The following SHQ1 variants were observed in gnomAD, a reference collection of about 807,000 sequenced individuals.
SHQ1 encodes the protein protein SHQ1 homolog.
SHQ1 carries 49 observed loss-of-function variants against 53.8 expected under a neutral mutation model. The ratio of observed to expected loss-of-function variants is 0.91; its 90% CI spans 0.72 to 1.16. SHQ1 has a LOEUF of 1.16. Among genes scored for constraint, SHQ1 ranks in the 50% most tolerant of loss-of-function variants. The pLI is 0.00. For missense variants in SHQ1, 738 were observed against 683.1 expected, an observed-to-expected ratio of 1.08 and a Z score of -0.90; for synonymous variants, 243 against 251.0, an observed-to-expected ratio of 0.97 and a Z score of 0.30.
chr3:72,748,329 C>CAAAAAAAAAAAAAAAA (rs572927520), downstream of SHQ1, among the ~76,000 whole-genome samples: 9 of 58,790 alleles, frequency 1.5e-4, no homozygotes, highest in African/African-American at 2.7e-4. Context: ...ATGAGGCATG[C>CAAAAAAAAAAAAAAAA]AAAAAAAAAA....
chr3:72,791,903 C>T (rs1459889661), intron 10 of SHQ1, among the ~76,000 whole-genome samples: 2 of 152,114 alleles, frequency 1.3e-5, no homozygotes, highest in African/African-American at 4.8e-5. Flanking sequence ...GGAATTTTGT[C>T]ATGTCTAATA....
chr3:72,768,283 C>A (rs369564133), intron 10 of SHQ1, among the ~76,000 whole-genome samples: 1 of 152,186 alleles, frequency 6.6e-6, no homozygotes, highest in East Asian at 1.9e-4. Flanking sequence ...AAAGCCTGAG[C>A]CTGAGGGAGA....
intron 6 of SHQ1, among the ~76,000 whole-genome samples, chr3:72,823,325 A>G (rs1707542086): frequency 6.6e-6 from 1 of 152,188 alleles, no homozygotes; most frequent in Non-Finnish European, 1.5e-5. Context: ...TTTACTGAGT[A>G]CCTTTATATA....
rs1174576635 is a variant in SHQ1, at chr3:72,841,093, G to A, written c.438C>T (p.Cys146=). ...ATCGTAAGTTTCCAAATCCATAGTG[G>A]CACTGCGGATTCAAAGCACTTTCTG... ...EVSESALNPQ[C]HYGFGNLRSG... The change falls in exon 4 of 11, where the codon TGC becomes TGT. Residue 146 remains cysteine (C), a synonymous_variant. Coordinates refer to ENST00000325599, the MANE Select transcript of SHQ1 (RefSeq NM_018130.3). The A allele has an allele frequency of 1.2e-6, 2 of 1,613,704 alleles. No individual in the cohort carries two copies. Among genetic ancestry groups the A allele is most frequent in the South Asian group, 1.1e-5 (1 of 91,038 alleles).
chr3:72,835,260 T>G lies in SHQ1; in HGVS notation c.487-2779A>C, dbSNP rs115027079. On this transcript the variant is annotated intron_variant, in intron 4 of 10. Transcript: ENST00000325599. ...CATTTTTTTGGGGAAGGGGACAGTT[T>G]TCTGTACTACAGGCTGTTGTGAGGA... Among the ~76,000 whole-genome samples the G allele has an allele frequency of 3.0e-3, 463 of 152,132 alleles. 5 individuals are homozygous for G. The highest frequency in any genetic ancestry group is 0.011 in the African/African-American group (438 of 41,514).
In SHQ1 at chr3:72,832,437, G is replaced by A. The variant is rs1387545036; in HGVS notation, c.531C>T (p.Thr177=). The change falls in exon 5 of 11, where the codon ACC becomes ACT. Residue 177 remains threonine (T), a synonymous_variant. Coordinates refer to ENST00000325599, the MANE Select transcript of SHQ1 (RefSeq NM_018130.3). ...GCTTCTGTCTTCGTTCAGCTGCAGG[G>A]GTGAAATCTGGATCCTTAATATCAA... is the stretch of plus-strand genomic sequence containing the variant. ...DVIDIKDPDF[T]PAAERRQKRL... is the part of the protein sequence containing the mutation. The A allele has an allele frequency of 6.2e-7, 1 of 1,612,752 alleles. No individual in the cohort carries two copies. Among genetic ancestry groups the A allele is most frequent in the African/African-American group, 1.3e-5 (1 of 74,842 alleles).
intron 10 of SHQ1, among the ~76,000 whole-genome samples, chr3:72,763,402 G>T (rs1705651777): frequency 1.3e-5 from 2 of 152,202 alleles, no homozygotes; most frequent in South Asian, 4.1e-4. Context: ...CGGCTGTTTG[G>T]ATTCAATTCA....
intron 10 of SHQ1, among the ~76,000 whole-genome samples, chr3:72,754,186 C>G (rs1559658421): frequency 1.3e-5 from 2 of 152,080 alleles, no homozygotes; most frequent in African/African-American, 4.8e-5. Context: ...TGAATCAGTG[C>G]CATTGTTATC....
intron 6 of SHQ1, among the ~76,000 whole-genome samples, chr3:72,820,716 T>A (rs1707450986): frequency 6.6e-6 from 1 of 152,214 alleles, no homozygotes; most frequent in African/African-American, 2.4e-5. Flanking sequence ...CAAAGCAGCT[T>A]TGCTATATAG....
Position 72,750,780 on chromosome 3 carries a change from G to A in SHQ1, c.1238C>T (p.Ala413Val). ...EALKEVSLTK[A>V]QLGLELEELE... ...TTCTTCCAGTTCTAACCCCAGCTGG[G>A]CCTTTGTAAGGGAGACTTCCTTTAA... The change falls in exon 11 of 11, where the codon GCC becomes GTC. Residue 413 changes from alanine to valine, a missense_variant. Ala to Val is a moderately conservative substitution (Grantham distance 64). Coordinates refer to ENST00000325599, the MANE Select transcript of SHQ1 (RefSeq NM_018130.3). The A allele has an allele frequency of 1.9e-6, 3 of 1,551,164 alleles. No individual in the cohort carries two copies. The highest frequency in any genetic ancestry group is 2.6e-6 in the Non-Finnish European group (3 of 1,146,882).
intron 10 of SHQ1, among the ~76,000 whole-genome samples, chr3:72,765,536 T>C (rs1237667496): frequency 4.5e-5 from 4 of 88,626 alleles, no homozygotes; most frequent in African/African-American, 2.5e-4. Flanking sequence ...ATGACATATA[T>C]ATATATATAT....
Position 72,832,343 on chromosome 3 carries a change from T to C in SHQ1, c.599+26A>G, listed in dbSNP as rs761788627. 5 of 1,509,274 alleles carry C rather than the reference T, an allele frequency of 3.3e-6. No individual in the cohort carries two copies. In the East Asian group the frequency reaches 1.1e-4, roughly 34 times the overall value. The allele number at this position is 1,509,274 out of a possible 1,614,324, so 93.5% of individuals were successfully genotyped here. A position where few individuals can be genotyped will look rare whatever the true frequency, so the allele number is the denominator to read the frequency against. ...TAAAATAAATGTCAAGTAAATTATT[T>C]AATCCTCAAAAATCTCATTACTCAC... On this transcript the variant is annotated intron_variant, in intron 5 of 10. Coordinates refer to ENST00000325599, the MANE Select transcript of SHQ1 (RefSeq NM_018130.3).
intron 10 of SHQ1, among the ~76,000 whole-genome samples, chr3:72,765,488 G>T (rs1471043603): frequency 2.9e-5 from 4 of 138,390 alleles, no homozygotes; most frequent in Non-Finnish European, 6.0e-5. Context: ...GCAGTGGCAC[G>T]ATCTCAGCAC....
At chr3:72,823,184 C>A (rs1490891560) in intron 6 of SHQ1, among the ~76,000 whole-genome samples, 1 of 150,880 alleles carries the variant, frequency 6.6e-6, no homozygotes, top group Non-Finnish European at 1.5e-5. Flanking sequence ...CTATAATGAG[C>A]TTCTGTTATG....
intron 10 of SHQ1, among the ~76,000 whole-genome samples, chr3:72,787,230 A>T (rs1200175084): frequency 6.6e-6 from 1 of 152,254 alleles, no homozygotes; most frequent in Non-Finnish European, 1.5e-5. Flanking sequence ...AGAGTTAATT[A>T]ACCATTAATC....
chr3:72,751,529 T>TATATATATACACAC lies in SHQ1; in HGVS notation c.1182-694_1182-693insGTGTGTATATATAT, dbSNP rs1491584090. ...GTGTGTATATATATATATATATATA[T>TATATATATACACAC]ACATATACATACACTAATAAAGCCT... is the stretch of plus-strand genomic sequence containing the variant. On this transcript the variant is annotated intron_variant, in intron 10 of 10. Coordinates refer to ENST00000325599, the MANE Select transcript of SHQ1 (RefSeq NM_018130.3). Among the ~76,000 whole-genome samples, 370 of 138,012 alleles carry TATATATATACACAC rather than the reference T, an allele frequency of 2.7e-3. 9 individuals are homozygous for TATATATATACACAC. The highest frequency in any genetic ancestry group is 0.01 in the African/African-American group (354 of 33,996). The allele number at this position is 138,012 out of a possible 152,430, so 90.5% of individuals were successfully genotyped here. A position where few individuals can be genotyped will look rare whatever the true frequency, so the allele number is the denominator to read the frequency against.
chr3:72,787,822 C>G (rs1706286731), intron 10 of SHQ1, among the ~76,000 whole-genome samples: 1 of 151,964 alleles, frequency 6.6e-6, no homozygotes, highest in African/African-American at 2.4e-5. Context: ...CTGCCTGATT[C>G]TCCTGCCTCA....
chr3:72,754,452 G>A (rs945155475), intron 10 of SHQ1, among the ~76,000 whole-genome samples: 1 of 151,700 alleles, frequency 6.6e-6, no homozygotes, highest in African/African-American at 2.4e-5. Flanking sequence ...CACGATCTCG[G>A]CTCACCACAA....
chr3:72,765,351 G>T (rs1345226514), intron 10 of SHQ1, among the ~76,000 whole-genome samples: 2 of 150,758 alleles, frequency 1.3e-5, no homozygotes, highest in Non-Finnish European at 2.9e-5. Flanking sequence ...TCCTTCTATG[G>T]CACTAGCCTC....
Sources: gnomAD v4.1 joint callset for allele counts (sites outside exome capture counted in the v4.1 genomes callset) on GRCh38, gnomAD v4.1.1 for gene constraint, MANE v1.5 for transcripts, NCBI Gene and HGNC (gene_info 2026-07-23, HGNC 2026-07-21) for gene names.